Variants in LGSN observed in about 807,000 individuals in gnomAD.
LGSN encodes the protein lengsin, lens protein with glutamine synthetase domain.
Under a neutral mutation model 19.5 loss-of-function variants are expected in LGSN, and 21 were observed. The observed-to-expected ratio is 1.07, with a 90% CI of 0.76 to 1.55. LGSN has a LOEUF of 1.55. Among genes scored for constraint, LGSN ranks in the 40% most tolerant of loss-of-function variants. LGSN has a pLI of 0.00. For missense variants in LGSN, 673 were observed against 608.5 expected (o/e 1.11, Z -1.12); for synonymous variants, 257 against 215.6 (o/e 1.19, Z -1.68).
chr6:63,444,229 A>C, the LGSN span, among the ~76,000 whole-genome samples: 1 of 152,188 alleles, frequency 6.6e-6, no homozygotes. Context: ...TTCAAAAAAA[A>C]AATAGATATG....
chr6:63,443,242 G>T, the LGSN span, among the ~76,000 whole-genome samples: 4 of 152,206 alleles, frequency 2.6e-5, no homozygotes, highest in East Asian at 7.7e-4. Flanking sequence ...CTCTGAGTGC[G>T]GGGCCTGCCG....
the LGSN span, among the ~76,000 whole-genome samples, chr6:63,467,705 T>A: frequency 2.6e-5 from 4 of 151,980 alleles, no homozygotes; most frequent in African/African-American, 9.7e-5. Context: ...TGTTTGTTTG[T>A]TTTTGAGACG....
At position 63,276,005 on chromosome 6, in the gene LGSN, G is replaced by A. The variant is rs1767096573; in HGVS notation, c.*4016C>T. On this transcript the variant is annotated 3_prime_UTR_variant, in exon 4 of 4. Transcript: ENST00000370657. ...AATTCACATCCTAATTAGCAATTAGGAAGTATCATGTAAACCCCTAATTAT... is the reference window on the plus strand; with the variant it reads ...AATTCACATCCTAATTAGCAATTAGAAAGTATCATGTAAACCCCTAATTAT... 1 of 152,188 alleles carries A rather than the reference G, an allele frequency of 6.6e-6. No individual in the cohort carries two copies. The highest frequency in any genetic ancestry group is 2.4e-5 in the African/African-American group (1 of 41,448). The allele number at this position is 152,188 out of a possible 1,614,324, so 9.4% of individuals were successfully genotyped here. A position where few individuals can be genotyped will look rare whatever the true frequency, so the allele number is the denominator to read the frequency against.
the LGSN span, among the ~76,000 whole-genome samples, chr6:63,490,007 G>T: frequency 3.9e-5 from 6 of 152,054 alleles, no homozygotes; most frequent in African/African-American, 1.4e-4. Context: ...TGCACCTGGC[G>T]CCTGTATTTT....
chr6:63,523,906 G>A, the LGSN span, among the ~76,000 whole-genome samples: 2 of 151,996 alleles, frequency 1.3e-5, no homozygotes, highest in African/African-American at 2.4e-5. Context: ...ATGTTTTATT[G>A]TCATTCTCAA....
the LGSN span, among the ~76,000 whole-genome samples, chr6:63,391,267 G>C: frequency 6.6e-6 from 1 of 152,190 alleles, no homozygotes; most frequent in African/African-American, 2.4e-5. Context: ...AGTTATCTTA[G>C]TTGGTGTAGG....
the LGSN span, among the ~76,000 whole-genome samples, chr6:63,561,059 C>T: frequency 6.6e-6 from 1 of 152,206 alleles, no homozygotes; most frequent in African/African-American, 2.4e-5. Flanking sequence ...ACGTAGGAAG[C>T]CAAATTAATA....
chr6:63,470,837 A>G, the LGSN span, among the ~76,000 whole-genome samples: 6 of 152,154 alleles, frequency 3.9e-5, no homozygotes, highest in South Asian at 4.1e-4. Context: ...AAATAAGTGT[A>G]AGTACAGTGA....
the LGSN span, among the ~76,000 whole-genome samples, chr6:63,451,811 A>T: frequency 6.6e-6 from 1 of 152,178 alleles, no homozygotes; most frequent in African/African-American, 2.4e-5. Flanking sequence ...TATCTTATGC[A>T]TCAATTGAGA....
the LGSN span, among the ~76,000 whole-genome samples, chr6:63,505,860 A>G: frequency 6.6e-6 from 1 of 152,016 alleles, no homozygotes; most frequent in Non-Finnish European, 1.5e-5. Context: ...GGGTTTCACC[A>G]TAGTGGCCAG....
chr6:63,466,350 CCTGGG>C, the LGSN span, among the ~76,000 whole-genome samples: 1 of 152,186 alleles, frequency 6.6e-6, no homozygotes, highest in Non-Finnish European at 1.5e-5. Context: ...ACTTCCAACA[CCTGGG>C]CTCAAGTCAT....
At chr6:63,297,213 G>A (rs1222259480) in intron 1 of LGSN, among the ~76,000 whole-genome samples, 3 of 151,974 alleles carry the variant, frequency 2.0e-5, no homozygotes, top group Admixed American at 1.3e-4. Context: ...GGTTGCACGT[G>A]CCTGTAATCC....
At chr6:63,526,390 T>C in the LGSN span, among the ~76,000 whole-genome samples, 2 of 152,070 alleles carry the variant, frequency 1.3e-5, no homozygotes, top group African/African-American at 4.8e-5. Flanking sequence ...GATAACAAAG[T>C]TGAAATTCTA....
At chr6:63,412,417 A>AG in the LGSN span, among the ~76,000 whole-genome samples, 361 of 118,282 alleles carry the variant, frequency 3.1e-3, 6 homozygotes, top group African/African-American at 0.017. Flanking sequence ...GAAAGAAAGA[A>AG]GAAAGAAAGA....
chr6:63,405,533 G>C, the LGSN span, among the ~76,000 whole-genome samples: 1 of 152,098 alleles, frequency 6.6e-6, no homozygotes, highest in Non-Finnish European at 1.5e-5. Context: ...TTGCAGTTTT[G>C]ATTTGCATTT....
chr6:63,441,205 T>G, the LGSN span: 1 of 264,448 alleles, frequency 3.8e-6, no homozygotes. Flanking sequence ...TGAAACTCCA[T>G]CTCAAAAAAA....
At chr6:63,351,758 T>C in the LGSN span, among the ~76,000 whole-genome samples, 1 of 152,120 alleles carries the variant, frequency 6.6e-6, no homozygotes, top group African/African-American at 2.4e-5. Context: ...ACACTCAGCC[T>C]AAATATCTTA....
chr6:63,482,396 T>A, the LGSN span, among the ~76,000 whole-genome samples: 1 of 152,204 alleles, frequency 6.6e-6, no homozygotes, highest in South Asian at 2.1e-4. Context: ...AATCTAATAA[T>A]CTTGTTGCCT....
the LGSN span, among the ~76,000 whole-genome samples, chr6:63,444,005 A>T: frequency 6.6e-6 from 1 of 152,156 alleles, no homozygotes; most frequent in East Asian, 1.9e-4. Flanking sequence ...CTAAGTAATT[A>T]AACAAAAAAT....
Sources: allele counts gnomAD v4.1 joint callset (sites outside exome capture counted in the v4.1 genomes callset), GRCh38; gene constraint gnomAD v4.1.1; transcripts MANE v1.5; gene names NCBI Gene and HGNC (gene_info 2026-07-23, HGNC 2026-07-21).